The following LHFPL3 variants were observed in gnomAD, a reference collection of about 807,000 sequenced individuals.
LHFPL3 encodes LHFPL tetraspan subfamily member 3.
LHFPL3 carries 5 observed loss-of-function variants against 19.3 expected under a neutral mutation model. The ratio of observed to expected loss-of-function variants is 0.26; its 90% CI spans 0.14 to 0.54. LHFPL3 has a LOEUF of 0.54. Ranked by LOEUF, LHFPL3 falls within the 20% of genes least tolerant of loss-of-function variation. The probability of loss-of-function intolerance (pLI) is 0.94; values close to 1 mark genes in which losing one functional copy is unlikely to be tolerated. For missense variants in LHFPL3, 249 were observed against 307.4 expected, an observed-to-expected ratio of 0.81 and a Z score of 1.42; for synonymous variants, 133 against 126.2, an observed-to-expected ratio of 1.05 and a Z score of -0.36.
At chr7:104,866,284 T>C (rs1274360987) in intron 2 of LHFPL3, among the ~76,000 whole-genome samples, 1 of 152,052 alleles carries the variant, frequency 6.6e-6, no homozygotes, top group Non-Finnish European at 1.5e-5. Flanking sequence ...GACTGACAAA[T>C]TGGATAAAGA....
At chr7:104,717,616 T>G (rs189890710) in intron 1 of LHFPL3, among the ~76,000 whole-genome samples, 41 of 152,232 alleles carry the variant, frequency 2.7e-4, no homozygotes, top group Admixed American at 2.7e-3. Context: ...TACCACCTCA[T>G]ACTCATTAGG....
At chr7:104,674,402 C>A (rs1254281979) in intron 1 of LHFPL3, among the ~76,000 whole-genome samples, 1 of 140,698 alleles carries the variant, frequency 7.1e-6, no homozygotes, top group Admixed American at 7.4e-5. Context: ...CGGATTTTCG[C>A]TCTGTTGCCA....
intron 1 of LHFPL3, among the ~76,000 whole-genome samples, chr7:104,341,338 G>A (rs1240978216): frequency 6.6e-6 from 1 of 152,132 alleles, no homozygotes; most frequent in Non-Finnish European, 1.5e-5. Context: ...CAACAACATT[G>A]CTTCTTATAA....
At chr7:104,811,924 A>T (rs866807868) in intron 2 of LHFPL3, among the ~76,000 whole-genome samples, 10 of 152,344 alleles carry the variant, frequency 6.6e-5, no homozygotes, top group South Asian at 2.1e-4. Flanking sequence ...AGTCTGCTGA[A>T]TTAATGTGTC....
At chr7:104,779,770 C>T (rs1794690093) in intron 2 of LHFPL3, among the ~76,000 whole-genome samples, 1 of 152,210 alleles carries the variant, frequency 6.6e-6, no homozygotes, top group Non-Finnish European at 1.5e-5. Flanking sequence ...CATGATAGAA[C>T]TTGATGGAGA....
chr7:104,522,842 C>G (rs1207937414), intron 1 of LHFPL3, among the ~76,000 whole-genome samples: 1 of 152,042 alleles, frequency 6.6e-6, no homozygotes, highest in African/African-American at 2.4e-5. Flanking sequence ...GAGAGATCAG[C>G]AGGACCTTCC....
At chr7:104,386,951 A>T (rs748783841) in intron 1 of LHFPL3, among the ~76,000 whole-genome samples, 27 of 152,204 alleles carry the variant, frequency 1.8e-4, no homozygotes, top group Non-Finnish European at 2.4e-4. Context: ...TTCAACAAAA[A>T]ATTACAAGAC....
intron 2 of LHFPL3, among the ~76,000 whole-genome samples, chr7:104,864,610 A>G (rs1562818769): frequency 6.6e-6 from 1 of 152,232 alleles, no homozygotes. Context: ...TGAACTGGGT[A>G]GAGCCCACTG....
chr7:104,824,424 A>T (rs1405656299), intron 2 of LHFPL3, among the ~76,000 whole-genome samples: 3 of 56,456 alleles, frequency 5.3e-5, no homozygotes, highest in African/African-American at 2.2e-4. Context: ...TTTTATATAT[A>T]ATATATATAA....
intron 1 of LHFPL3, among the ~76,000 whole-genome samples, chr7:104,613,743 A>G (rs554085838): frequency 3.5e-4 from 54 of 152,330 alleles, no homozygotes; most frequent in African/African-American, 1.3e-3. Flanking sequence ...AGGTGGTCAA[A>G]GAAAAATTGC....
At chr7:104,712,588 G>A (rs1793317338) in intron 1 of LHFPL3, among the ~76,000 whole-genome samples, 1 of 152,154 alleles carries the variant, frequency 6.6e-6, no homozygotes, top group African/African-American at 2.4e-5. Context: ...TGGCTTTAAA[G>A]ATAGAAGGAG....
chr7:104,490,630 AG>A (rs1295984253), intron 1 of LHFPL3, among the ~76,000 whole-genome samples: 1 of 152,184 alleles, frequency 6.6e-6, no homozygotes, highest in East Asian at 1.9e-4. Flanking sequence ...GAACCACAAA[AG>A]GGCCCACAGA....
At chr7:104,668,996 G>C (rs1303981538) in intron 1 of LHFPL3, 56 of 1,612,076 alleles carry the variant, frequency 3.5e-5, no homozygotes, top group Non-Finnish European at 4.7e-5. Context: ...GAACGGTCGA[G>C]GACAGGAAGT....
At chr7:104,899,219 AG>A in intron 2 of LHFPL3, among the ~76,000 whole-genome samples, 2 of 152,254 alleles carry the variant, frequency 1.3e-5, no homozygotes, top group South Asian at 4.1e-4. Flanking sequence ...CAGGTTGGAA[AG>A]GAAGTACCCC....
intron 1 of LHFPL3, among the ~76,000 whole-genome samples, chr7:104,523,565 G>A (rs1794123253): frequency 6.6e-6 from 1 of 152,134 alleles, no homozygotes; most frequent in African/African-American, 2.4e-5. Context: ...TGTCCTTCTA[G>A]TCTATAGGCC....
At chr7:104,533,604 C>G (rs536806553) in intron 1 of LHFPL3, among the ~76,000 whole-genome samples, 9 of 152,340 alleles carry the variant, frequency 5.9e-5, no homozygotes, top group African/African-American at 2.2e-4. Context: ...ACAGTAATTT[C>G]CATCTCTGCT....
At chr7:104,799,210 A>G (rs1790193228) in intron 2 of LHFPL3, among the ~76,000 whole-genome samples, 1 of 152,176 alleles carries the variant, frequency 6.6e-6, no homozygotes, top group African/African-American at 2.4e-5. Flanking sequence ...AGCTATTTCT[A>G]CTATCCTCCT....
intron 2 of LHFPL3, among the ~76,000 whole-genome samples, chr7:104,809,193 C>T (rs1020354320): frequency 6.6e-6 from 1 of 152,180 alleles, no homozygotes; most frequent in Non-Finnish European, 1.5e-5. Context: ...CGTGCCCAGC[C>T]GGATCTTGGA....
At chr7:104,483,769 C>T (rs1232081570) in intron 1 of LHFPL3, among the ~76,000 whole-genome samples, 2 of 152,158 alleles carry the variant, frequency 1.3e-5, no homozygotes, top group Non-Finnish European at 2.9e-5. Context: ...ATGTGCACCA[C>T]CATGACCAGC....
Sources: allele counts gnomAD v4.1 joint callset (sites outside exome capture counted in the v4.1 genomes callset), GRCh38; gene constraint gnomAD v4.1.1; transcripts MANE v1.5; gene names NCBI Gene and HGNC (gene_info 2026-07-23, HGNC 2026-07-21).